WDR25: variants seen among roughly 807,000 people sequenced by gnomAD.
The protein encoded by WDR25 is WD repeat domain 25.
In WDR25, 35 loss-of-function variants were observed where a neutral mutation model predicts 47.7. The observed-to-expected ratio is 0.73, with a 90% CI of 0.56 to 0.97. The LOEUF (loss-of-function observed/expected upper bound fraction) is 0.97, where lower values mean the gene tolerates loss of function less well. Among genes scored for constraint, WDR25 ranks in the 50% least tolerant of loss-of-function variants. The pLI, the probability that WDR25 is intolerant of heterozygous loss-of-function variation, is 0.00. For missense variants in WDR25, 634 were observed against 704.7 expected, an observed-to-expected ratio of 0.90 and a Z score of 1.14; for synonymous variants, 248 against 278.9, an observed-to-expected ratio of 0.89 and a Z score of 1.10.
chr14:100,466,482 G>A (rs984436487), intron 2 of WDR25, among the ~76,000 whole-genome samples: 5 of 152,198 alleles, frequency 3.3e-5, no homozygotes, highest in Non-Finnish European at 5.9e-5. Flanking sequence ...TAAAGAAAAT[G>A]AAGCTTGGTT....
intron 1 of WDR25, among the ~76,000 whole-genome samples, chr14:100,378,452 C>T (rs1896785696): frequency 6.6e-6 from 1 of 152,134 alleles, no homozygotes; most frequent in Non-Finnish European, 1.5e-5. Context: ...CAGGCATGAG[C>T]CACTATGCCC....
At chr14:100,478,529 A>C (rs1341308672) in intron 3 of WDR25, among the ~76,000 whole-genome samples, 3 of 152,280 alleles carry the variant, frequency 2.0e-5, no homozygotes, top group African/African-American at 7.2e-5. Context: ...TTCACTAGGT[A>C]TCCAGAAACT....
chr14:100,485,770 C>T (rs1386235250), intron 4 of WDR25, among the ~76,000 whole-genome samples: 1 of 152,182 alleles, frequency 6.6e-6, no homozygotes, highest in Non-Finnish European at 1.5e-5. Context: ...TGCCTTCTTG[C>T]TTCAGACTGG....
Position 100,381,082 on chromosome 14 carries a change from G to A in WDR25, c.158G>A (p.Gly53Asp), listed in dbSNP as rs951641400. ...CCACCTGGGCAGGATTTTGCATCTG[G>A]TACACTGGATGTGCCCAAAGCAGGG... ...ARPPGQDFAS[G>D]TLDVPKAGAQ... is the part of the protein sequence containing the mutation. The change falls in exon 2 of 7, where the codon GGT becomes GAT. Residue 53 changes from glycine (G) to aspartate (D), a missense_variant. Coordinates refer to ENST00000402312, the MANE Select transcript of WDR25 (RefSeq NM_001161476.3). The A allele has an allele frequency of 1.6e-5, 26 of 1,614,128 alleles. No homozygotes were observed. The highest frequency in any genetic ancestry group is 2.1e-5 in the Non-Finnish European group (25 of 1,180,048).
chr14:100,489,160 G>C (rs1431115772), intron 4 of WDR25, among the ~76,000 whole-genome samples: 5 of 152,238 alleles, frequency 3.3e-5, no homozygotes, highest in African/African-American at 1.2e-4. Context: ...GAGGACTTGG[G>C]AGACCCTGTG....
In WDR25 at chr14:100,502,653, G is replaced by A. The variant is rs960973366; in HGVS notation, c.1101+18529G>A. 2.6e-5 allele frequency among the ~76,000 whole-genome samples: 4 copies of A among 152,236 alleles called. No homozygotes were observed. The highest frequency in any genetic ancestry group is 5.9e-5 in the Non-Finnish European group (4 of 68,042). On this transcript the variant is annotated intron_variant, in intron 4 of 6. Transcript: ENST00000402312. The surrounding 1 kb of genome is among the most constrained non-coding windows in gnomAD (Gnocchi z 4.5). ...AAGTGGCCACGGCGTGGGGGAACATGAGGTCCCTCCCTGCATGGCGAGGGG... is the reference window on the plus strand; with the variant it reads ...AAGTGGCCACGGCGTGGGGGAACATAAGGTCCCTCCCTGCATGGCGAGGGG...
intron 3 of WDR25, among the ~76,000 whole-genome samples, chr14:100,479,074 C>T (rs957099452): frequency 4.6e-5 from 7 of 152,050 alleles, no homozygotes; most frequent in East Asian, 1.9e-4. Flanking sequence ...TGGGCCTTCT[C>T]GGTGGTGTGG....
intron 1 of WDR25, 48 bp downstream of exon 1, chr14:100,376,543 G>C (rs1203036795): frequency 8.1e-7 from 1 of 1,231,816 alleles, no homozygotes; most frequent in African/African-American, 1.6e-5. Context: ...CCGGGACTGG[G>C]CAGCGCCTAA....
chr14:100,492,602 T>C (rs1900602656), intron 4 of WDR25, among the ~76,000 whole-genome samples: 2 of 152,346 alleles, frequency 1.3e-5, no homozygotes, highest in South Asian at 4.1e-4. Context: ...AATTTATAAA[T>C]CTTCTATAAT....
In WDR25 at chr14:100,430,151, GGTGTGTGTGT is replaced by G. The variant is rs59318813; in HGVS notation, c.823-37845_823-37836del. Among the ~76,000 whole-genome samples, 7 of 146,794 alleles carry G rather than the reference GGTGTGTGTGT, an allele frequency of 4.8e-5. No homozygotes were observed. Among genetic ancestry groups the G allele is most frequent in the Admixed American group, 6.7e-5 (1 of 14,824 alleles). On this transcript the variant is annotated intron_variant, in intron 2 of 6. Coordinates refer to ENST00000402312, the MANE Select transcript of WDR25 (RefSeq NM_001161476.3). This position sits in a 1 kb window ranked among gnomAD's most constrained non-coding sequence, Gnocchi z 4.7. ...CAAATCTTGCAGACCAAGGGGGCCT[GGTGTGTGTGT>G]GTGTGTGTGTGTGTGTGTGTGTGTT...
chr14:100,388,817 TACC>T (rs1168459970), intron 2 of WDR25, among the ~76,000 whole-genome samples: 2 of 152,204 alleles, frequency 1.3e-5, no homozygotes, highest in South Asian at 2.1e-4. Context: ...CAGTTCAGTG[TACC>T]AAGGGCGGGG....
chr14:100,490,710 C>T (rs1198385123), intron 4 of WDR25, among the ~76,000 whole-genome samples: 1 of 152,164 alleles, frequency 6.6e-6, no homozygotes, highest in African/African-American at 2.4e-5. Flanking sequence ...GCTTCTGCCC[C>T]AGTGGGTGAG....
chr14:100,519,043 A>G (rs941931095), intron 4 of WDR25, among the ~76,000 whole-genome samples: 2 of 152,302 alleles, frequency 1.3e-5, no homozygotes, highest in South Asian at 2.1e-4. Context: ...GTCCATGCCC[A>G]CTATGTACTG....
At chr14:100,384,660 T>C (rs965363442) in intron 2 of WDR25, among the ~76,000 whole-genome samples, 2 of 151,726 alleles carry the variant, frequency 1.3e-5, no homozygotes, top group African/African-American at 2.4e-5. Flanking sequence ...CAGGCAGGAG[T>C]CCTGGCTGGC....
chr14:100,467,453 G>A (rs1287033037), intron 2 of WDR25, among the ~76,000 whole-genome samples: 1 of 152,208 alleles, frequency 6.6e-6, no homozygotes, highest in African/African-American at 2.4e-5. Flanking sequence ...TGAAACAGGT[G>A]TGAAGGGCTG....
rs778739472 is a variant in WDR25 at position 100,468,207 on chromosome 14, G to A, written c.970+39G>A. 3.8e-6 allele frequency: 6 copies of A among 1,590,936 alleles called. No individual in the cohort carries two copies. The highest frequency in any genetic ancestry group is 3.4e-5 in the Admixed American group (2 of 59,008). Reference sequence around the variant, plus strand: ...GTCACCTCCCTGAGGTGAGCTGGCAGCTCTCTCCCTGGGGAAGGTTCTCTG... The same window carrying A: ...GTCACCTCCCTGAGGTGAGCTGGCAACTCTCTCCCTGGGGAAGGTTCTCTG... On this transcript the variant is annotated intron_variant, in intron 3 of 6. Coordinates refer to ENST00000402312, the MANE Select transcript of WDR25 (RefSeq NM_001161476.3). The surrounding 1 kb of genome is among the most constrained non-coding windows in gnomAD (Gnocchi z 4.5).
intron 2 of WDR25, among the ~76,000 whole-genome samples, chr14:100,463,985 C>T (rs1420559813): frequency 6.6e-6 from 1 of 152,142 alleles, no homozygotes; most frequent in African/African-American, 2.4e-5. Flanking sequence ...ATCTCTCTTG[C>T]CCTTCATTCT....
chr14:100,423,775 C>G (rs1898091380), intron 2 of WDR25, among the ~76,000 whole-genome samples: 1 of 152,190 alleles, frequency 6.6e-6, no homozygotes, highest in African/African-American at 2.4e-5. Flanking sequence ...TGTTGAGAAC[C>G]AGAGCCTGTG....
At chr14:100,435,897 A>C (rs1898486590) in intron 2 of WDR25, among the ~76,000 whole-genome samples, 1 of 152,132 alleles carries the variant, frequency 6.6e-6, no homozygotes, top group African/African-American at 2.4e-5. Flanking sequence ...AGTGACGCCT[A>C]AGTGTGTATG....
Sources: allele counts gnomAD v4.1 joint callset (sites outside exome capture counted in the v4.1 genomes callset), GRCh38; gene constraint gnomAD v4.1.1; non-coding constraint Gnocchi (gnomAD v3.1); transcripts MANE v1.5; gene names NCBI Gene and HGNC (gene_info 2026-07-23, HGNC 2026-07-21).